Variants in ZNF74 observed in about 807,000 individuals in gnomAD.
ZNF74 encodes zinc finger protein 74.
ZNF74 carries 12 observed loss-of-function variants against 17.7 expected under a neutral mutation model. The observed-to-expected ratio is 0.68, with a 90% CI of 0.43 to 1.10. The LOEUF is 1.10. ZNF74 is among the 50% of genes least tolerant of loss of function. The pLI is 0.00. For synonymous variants in ZNF74, 358 were observed against 362.1 expected, an observed-to-expected ratio of 0.99 and a Z score of 0.13; for missense variants, 811 against 881.0, an observed-to-expected ratio of 0.92 and a Z score of 1.01.
intron 1 of ZNF74, 182 bp downstream of exon 1, chr22:20,394,844 TC>T (rs2052274396): frequency 3.3e-6 from 2 of 600,018 alleles, no homozygotes; most frequent in African/African-American, 3.8e-5. Flanking sequence ...CACTGCAACC[TC>T]TGCTTCCCGG....
At chr22:20,400,853 C>A in intron 3 of ZNF74, 95 bp downstream of exon 3, 1 of 1,435,522 alleles carries the variant, frequency 7.0e-7, no homozygotes, top group Non-Finnish European at 9.5e-7. Flanking sequence ...GGCCCTGGTG[C>A]CAGATATATC....
At chr22:20,396,566 C>A (rs1324426632) in intron 2 of ZNF74, among the ~76,000 whole-genome samples, 6 of 149,236 alleles carry the variant, frequency 4.0e-5, no homozygotes, top group Non-Finnish European at 7.4e-5. Context: ...AATGGTTCAG[C>A]AAAAAAAAAT....
Position 20,406,545 on chromosome 22 carries a change from G to C in ZNF74, c.1512G>C (p.Gln504His). ...GCGAGAAGCCCTTCGACTGCAGCCA[G>C]TGTTGGAAGGCCTTCAGCTGCCACT... ...HTGEKPFDCS[Q>H]CWKAFSCHSS... Residue 504 changes from glutamine to histidine, a missense_variant, in exon 5 of 5, where the codon CAG becomes CAC. Coordinates refer to ENST00000400451, the MANE Select transcript of ZNF74 (RefSeq NM_003426.4). 1 of 1,613,490 alleles carries C rather than the reference G, an allele frequency of 6.2e-7. No homozygotes were observed. The highest frequency in any genetic ancestry group is 1.1e-5 in the South Asian group (1 of 91,030).
At chr22:20,397,507 G>A (rs908142428) in intron 2 of ZNF74, among the ~76,000 whole-genome samples, 1 of 152,138 alleles carries the variant, frequency 6.6e-6, no homozygotes, top group Non-Finnish European at 1.5e-5. Context: ...ACGTTTCCAT[G>A]ACCCAAAAAT....
rs1456120120 is a variant in ZNF74 at position 20,405,805 on chromosome 22, C to T, written c.772C>T (p.Arg258Cys). 2 of 1,610,930 alleles carry T rather than the reference C, an allele frequency of 1.2e-6. No individual in the cohort carries two copies. The highest frequency in any genetic ancestry group is 1.7e-5 in the Admixed American group (1 of 59,832). Residue 258 changes from arginine (R) to cysteine (C), a missense_variant, in exon 5 of 5, where the codon CGC (arginine) becomes TGC (cysteine). Arg to Cys is a radical substitution (Grantham distance 180, BLOSUM62 -3). Coordinates refer to ENST00000400451, the MANE Select transcript of ZNF74 (RefSeq NM_003426.4). ...FVCGECGKAF[R>C]QSSSLTLHRR... is the part of the protein sequence containing the mutation. ...GTGCGGCGAGTGCGGGAAGGCGTTC[C>T]GCCAGAGCTCCTCCCTCACGCTGCA...
At chr22:20,397,911 G>A (rs1260627291) in intron 2 of ZNF74, among the ~76,000 whole-genome samples, 1 of 152,130 alleles carries the variant, frequency 6.6e-6, no homozygotes, top group East Asian at 1.9e-4. Flanking sequence ...ATCTTCACAT[G>A]GTCTTACCTC....
intron 4 of ZNF74, among the ~76,000 whole-genome samples, chr22:20,402,550 C>G (rs2052370222): frequency 6.6e-6 from 1 of 152,004 alleles, no homozygotes; most frequent in South Asian, 2.1e-4. Flanking sequence ...ACCTGTAATC[C>G]CAACACTTTG....
intron 2 of ZNF74, 90 bp downstream of exon 2, chr22:20,395,508 C>G: frequency 1.0e-6 from 1 of 985,348 alleles, no homozygotes; most frequent in Admixed American, 2.0e-5. Flanking sequence ...CAGACCTTCA[C>G]CCGGGTACCT....
intron 4 of ZNF74, among the ~76,000 whole-genome samples, chr22:20,403,331 C>T (rs2052379721): frequency 6.6e-6 from 1 of 150,972 alleles, no homozygotes; most frequent in Non-Finnish European, 1.5e-5. Flanking sequence ...GGCCCTTCCT[C>T]CTCCTTTATA....
In ZNF74 at chr22:20,406,927, G is replaced by C; in HGVS notation, c.1894G>C (p.Ala632Pro). The C allele has an allele frequency of 6.2e-7, 1 of 1,613,762 alleles. No individual in the cohort carries two copies. Among genetic ancestry groups the C allele is most frequent in the Non-Finnish European group, 8.5e-7 (1 of 1,179,936 alleles). The change falls in exon 5 of 5, where the codon GCT (alanine) becomes CCT (proline). Residue 632 changes from alanine to proline, a missense_variant. By Grantham distance (27) the Ala-to-Pro change is conservative. This residue lies in a region of ZNF74 where 115 missense variants were observed against 119.5 expected (regional missense o/e 0.96). Coordinates refer to ENST00000400451, the MANE Select transcript of ZNF74 (RefSeq NM_003426.4). ...GCTCTTGTGCGTGGTTCCCCCCAGA[G>C]CTGGCAGGAATTTCTCCCTGGGGAG... ...AKLLCVVPPR[A>P]GRNFSLGSKP...
intron 2 of ZNF74, among the ~76,000 whole-genome samples, chr22:20,396,588 T>C (rs1182393336): frequency 1.3e-5 from 2 of 152,094 alleles, no homozygotes; most frequent in Non-Finnish European, 2.9e-5. Context: ...TGTGTGCATG[T>C]ATGTATGTCT....
At chr22:20,399,380 CT>C (rs362222) in intron 2 of ZNF74, 110,403 of 166,720 alleles carry the variant, frequency 0.66, 38,412 homozygotes, top group East Asian at 0.88. Context: ...GGCACTTGAG[CT>C]TTTTTTTTTT....
intron 3 of ZNF74, 53 bp downstream of exon 3, chr22:20,400,811 T>C: frequency 6.3e-7 from 1 of 1,590,034 alleles, no homozygotes; most frequent in Non-Finnish European, 8.6e-7. Flanking sequence ...TTCTTCTACA[T>C]GGTAGATATT....
intron 4 of ZNF74, among the ~76,000 whole-genome samples, chr22:20,402,326 A>G (rs1311520175): frequency 6.6e-6 from 1 of 152,182 alleles, no homozygotes; most frequent in Non-Finnish European, 1.5e-5. Context: ...GTCCTCTTTA[A>G]CAAGATTACA....
Position 20,394,679 on chromosome 22 carries a change from G to A in ZNF74, c.34+17G>A. On this transcript the variant is annotated intron_variant, in intron 1 of 4. Transcript: ENST00000400451. ...AGAAGACAGGTACAGCTTCACTCTTGTAGTCAGTATGTCTGTGGATTTGCA... is the reference window on the plus strand; with the variant it reads ...AGAAGACAGGTACAGCTTCACTCTTATAGTCAGTATGTCTGTGGATTTGCA... 1 of 1,613,836 alleles carries A rather than the reference G, an allele frequency of 6.2e-7. No homozygotes were observed. Among genetic ancestry groups the A allele is most frequent in the African/African-American group, 1.3e-5 (1 of 75,034 alleles).
Position 20,406,903 on chromosome 22 carries a change from C to T in ZNF74, c.1870C>T (p.Leu624Phe), listed in dbSNP as rs117660317. ...CATCGACGCGCTGGATGTGGCAAAG[C>T]TCTTGTGCGTGGTTCCCCCCAGAGC... ...DPIDALDVAK[L>F]LCVVPPRAGR... The change falls in exon 5 of 5, where the codon CTC becomes TTC. Residue 624 changes from leucine (L) to phenylalanine (F), a missense_variant. Physicochemically the swap from Leu to Phe is conservative, Grantham distance 22. Around this residue, in one of 3 missense-constraint regions of ZNF74, gnomAD observed 115 missense variants for 119.5 expected, o/e 0.96. Coordinates refer to ENST00000400451, the MANE Select transcript of ZNF74 (RefSeq NM_003426.4). 20,583 of 1,613,940 alleles carry T rather than the reference C, an allele frequency of 0.013. 2,357 individuals are homozygous for T. In the Admixed American group the frequency reaches 0.24, roughly 19 times the overall value.
intron 4 of ZNF74, among the ~76,000 whole-genome samples, chr22:20,402,271 G>A (rs1212942484): frequency 6.6e-6 from 1 of 152,100 alleles, no homozygotes; most frequent in Non-Finnish European, 1.5e-5. Context: ...TGCAGCCCCA[G>A]CTTTCTGGTC....
chr22:20,394,929 G>A, intron 1 of ZNF74: 1 of 511,050 alleles, frequency 2.0e-6, no homozygotes, highest in Non-Finnish European at 3.5e-6. Context: ...CCCGGCTAAT[G>A]TTTGTATTTT....
In ZNF74 at chr22:20,406,686, C is replaced by T. The variant is rs376660536; in HGVS notation, c.1653C>T (p.Ser551=). ...TCATTAAACATCAGAAAATCCACTC[C>T]GGGGAGAAGTCGTTTAAGTGTGAGA... is the stretch of plus-strand genomic sequence containing the variant. ...HCLIKHQKIH[S]GEKSFKCEKC... Residue 551 remains serine (S), a synonymous_variant, in exon 5 of 5, where the codon TCC becomes TCT. Transcript: ENST00000400451. The T allele has an allele frequency of 3.0e-5, 48 of 1,614,064 alleles. No individual in the cohort carries two copies. Among genetic ancestry groups the T allele is most frequent in the Non-Finnish European group, 3.5e-5 (41 of 1,180,052 alleles).
Sources: gnomAD v4.1 joint callset for allele counts (sites outside exome capture counted in the v4.1 genomes callset) on GRCh38, gnomAD v4.1.1 for gene constraint, gnomAD v4.1.1 regional missense constraint, MANE v1.5 for transcripts, NCBI Gene and HGNC (gene_info 2026-07-23, HGNC 2026-07-21) for gene names.